CEP41: variants seen among roughly 807,000 people sequenced by gnomAD.
The protein encoded by CEP41 is centrosomal protein 41.
A neutral mutation model predicts 44.3 loss-of-function variants in CEP41; 32 were observed. That is an observed-to-expected ratio of 0.72 (90% confidence interval 0.54 to 0.97). The LOEUF (loss-of-function observed/expected upper bound fraction) is 0.97. CEP41 is among the 50% of genes least tolerant of loss of function. CEP41 has a pLI of 0.00. For synonymous variants in CEP41, 151 were observed against 168.5 expected (o/e 0.90, Z 0.80); for missense variants, 432 against 455.2 (o/e 0.95, Z 0.46).
intron 1 of CEP41, among the ~76,000 whole-genome samples, chr7:130,440,031 A>AT (rs1563001954): frequency 6.6e-6 from 1 of 151,844 alleles, no homozygotes; most frequent in Admixed American, 6.6e-5. Context: ...GTTTATTTTT[A>AT]TTTTTTTGAG....
At chr7:130,437,214 C>T (rs1554426321) in intron 1 of CEP41, among the ~76,000 whole-genome samples, 1 of 151,690 alleles carries the variant, frequency 6.6e-6, no homozygotes, top group East Asian at 1.9e-4. Context: ...TATATGAATA[C>T]AGAACATCAG....
rs782718059 is a variant in CEP41, at chr7:130,398,593, C to T, written c.*298G>A. The T allele has an allele frequency of 1.8e-6, 1 of 553,164 alleles. No individual in the cohort carries two copies. Among genetic ancestry groups the T allele is most frequent in the South Asian group, 1.5e-5 (1 of 65,474 alleles). 34.3% of individuals were successfully genotyped at this position (553,164 alleles called of 1,614,324 possible). On this transcript the variant is annotated 3_prime_UTR_variant, in exon 11 of 11. Transcript: ENST00000223208. The stretch of plus-strand genomic sequence containing the variant: ...ATTAAAAAAAAACAAAACAAAAAAA[C>T]TAAAAACGTAGATACTTTTTTCCTA...
At position 130,398,623 on chromosome 7, in the gene CEP41, G is replaced by A. The variant is rs1185483501; in HGVS notation, c.*268C>T. The A allele has an allele frequency of 1.1e-5, 7 of 641,572 alleles. No individual in the cohort carries two copies. Among genetic ancestry groups the A allele is most frequent in the Non-Finnish European group, 1.4e-5 (5 of 347,350 alleles). 39.7% of individuals were successfully genotyped at this position (641,572 alleles called of 1,614,324 possible). On this transcript the variant is annotated 3_prime_UTR_variant, in exon 11 of 11. Coordinates refer to ENST00000223208, the MANE Select transcript of CEP41 (RefSeq NM_018718.3). ...AACGTAGATACTTTTTTCCTATACA[G>A]TTTCACAAGACTTAAATATGCTGTA...
At chr7:130,425,565 G>A (rs187903916) in intron 2 of CEP41, among the ~76,000 whole-genome samples, 54 of 152,240 alleles carry the variant, frequency 3.5e-4, no homozygotes, top group African/African-American at 1.3e-3. Context: ...AATGTAAAAT[G>A]GTACAGTCAC....
intron 5 of CEP41, among the ~76,000 whole-genome samples, chr7:130,405,583 T>G (rs1796985212): frequency 6.6e-6 from 1 of 152,200 alleles, no homozygotes; most frequent in Non-Finnish European, 1.5e-5. Context: ...TATGTGATTT[T>G]TTTGACAGTT....
rs955763122 is a variant in CEP41 at position 130,436,232 on chromosome 7, A to G, written c.33+4702T>C. On this transcript the variant is annotated intron_variant, in intron 1 of 10. Coordinates refer to ENST00000223208, the MANE Select transcript of CEP41 (RefSeq NM_018718.3). ...TACTGATCAGGTACCAGAAAGAATG[A>G]ACTACTGCTACATGCAACAACTTGT... Among the ~76,000 whole-genome samples the G allele has an allele frequency of 2.6e-5, 4 of 152,190 alleles. No individual in the cohort carries two copies. In the South Asian group the frequency reaches 8.3e-4, roughly 32 times the overall value.
chr7:130,410,438 G>T (rs1797147428), intron 5 of CEP41, among the ~76,000 whole-genome samples: 1 of 152,070 alleles, frequency 6.6e-6, no homozygotes, highest in Admixed American at 6.5e-5. Flanking sequence ...GTCCCTTAAG[G>T]GTACAATGAA....
chr7:130,430,282 GA>G (rs34877522), intron 1 of CEP41, among the ~76,000 whole-genome samples: 19 of 149,316 alleles, frequency 1.3e-4, no homozygotes, highest in East Asian at 1.2e-3. Context: ...CATCTAAGGG[GA>G]AAAAAAAAAT....
intron 1 of CEP41, 86 bp from the exon 2 acceptor site, chr7:130,428,104 G>T (rs888467383): frequency 3.3e-6 from 3 of 921,248 alleles, no homozygotes; most frequent in Non-Finnish European, 5.3e-6. Flanking sequence ...TTTAAAAATG[G>T]AAAAAAAGTG....
intron 1 of CEP41, 124 bp downstream of exon 1, chr7:130,440,810 T>TC: frequency 5.1e-6 from 1 of 196,138 alleles, no homozygotes; most frequent in Non-Finnish European, 9.4e-6. Context: ...TCCCGACCCC[T>TC]CCTCACGCCG....
chr7:130,397,465 C>G lies in CEP41; in HGVS notation c.*1426G>C. 1 of 425,306 alleles carries G rather than the reference C, an allele frequency of 2.4e-6. No homozygotes were observed. The highest frequency in any genetic ancestry group is 1.7e-5 in the South Asian group (1 of 59,066). 26.3% of individuals were successfully genotyped at this position (425,306 alleles called of 1,614,324 possible). On this transcript the variant is annotated 3_prime_UTR_variant, in exon 11 of 11. Transcript: ENST00000223208. ...TATGAGATATTTATTACGTTTATTT[C>G]TCATACAAACACAGCCCCCATGCTA...
intron 1 of CEP41, among the ~76,000 whole-genome samples, chr7:130,438,814 A>G (rs536167342): frequency 1.3e-5 from 2 of 152,314 alleles, no homozygotes; most frequent in African/African-American, 4.8e-5. Flanking sequence ...ATTTTTATTA[A>G]TATTTTGATA....
intron 4 of CEP41, 76 bp from the exon 5 acceptor site, chr7:130,411,267 C>G (rs559696646): frequency 1.7e-6 from 2 of 1,169,512 alleles, no homozygotes; most frequent in African/African-American, 1.5e-5. Context: ...TTACAAAAGA[C>G]GAGGGAACAA....
At chr7:130,399,935 T>C (rs1554416421) in intron 10 of CEP41, 104 bp downstream of exon 10, 5 of 895,106 alleles carry the variant, frequency 5.6e-6, no homozygotes, top group Non-Finnish European at 5.6e-6. Flanking sequence ...CATACCTCCC[T>C]AGTATTTTAA....
chr7:130,441,318 G>C (rs528730350), upstream of CEP41: 28 of 453,456 alleles, frequency 6.2e-5, no homozygotes, highest in African/African-American at 5.0e-4. Flanking sequence ...CTTGAGAGCC[G>C]GGACAAAACA....
chr7:130,436,402 G>C (rs1200538578), intron 1 of CEP41, among the ~76,000 whole-genome samples: 1 of 152,186 alleles, frequency 6.6e-6, no homozygotes, highest in African/African-American at 2.4e-5. Context: ...TGAGAGGGAA[G>C]AAAGTAGGTG....
At chr7:130,420,935 A>G (rs1797489327) in intron 2 of CEP41, 1 of 982,290 alleles carries the variant, frequency 1.0e-6, no homozygotes, top group Non-Finnish European at 1.2e-6. Flanking sequence ...TAAACTATGT[A>G]CAACTTGACT....
In CEP41 at chr7:130,394,505, C is replaced by T. The variant is rs1554413738; in HGVS notation, c.*4386G>A. 2.2e-6 allele frequency: 1 copy of T among 454,056 alleles called. No homozygotes were observed. The highest frequency in any genetic ancestry group is 4.4e-6 in the Non-Finnish European group (1 of 226,782). 28.1% of individuals were successfully genotyped at this position (454,056 alleles called of 1,614,324 possible). Reference sequence around the variant, plus strand: ...AGATGGGGGTGGTGTGTGACCTTTGCGTGCTGAATTTGGGAGGATACTTTA... The same window carrying T: ...AGATGGGGGTGGTGTGTGACCTTTGTGTGCTGAATTTGGGAGGATACTTTA... On this transcript the variant is annotated 3_prime_UTR_variant, in exon 11 of 11. Transcript: ENST00000223208.
chr7:130,419,018 T>C lies in CEP41; in HGVS notation c.98-2052A>G, dbSNP rs1431503356. The C allele has an allele frequency of 5.1e-6, 5 of 983,812 alleles. No homozygotes were observed. The East Asian group carries it at 4.5e-4, about 89-fold the overall frequency. 60.9% of individuals were successfully genotyped at this position (983,812 alleles called of 1,614,324 possible). ...CAGTGGTTTCTACTAACAAAGTGTCTACACTTCATTTCTCCATTAATTACA... is the reference window on the plus strand; with the variant it reads ...CAGTGGTTTCTACTAACAAAGTGTCCACACTTCATTTCTCCATTAATTACA... On this transcript the variant is annotated intron_variant, in intron 2 of 10. Coordinates refer to ENST00000223208, the MANE Select transcript of CEP41 (RefSeq NM_018718.3).
Sources: allele counts gnomAD v4.1 joint callset (sites outside exome capture counted in the v4.1 genomes callset), GRCh38; gene constraint gnomAD v4.1.1; transcripts MANE v1.5; gene names NCBI Gene and HGNC (gene_info 2026-07-23, HGNC 2026-07-21).